Variants in STK32C observed in about 807,000 individuals in gnomAD.
STK32C encodes serine/threonine kinase 32C.
Under a neutral mutation model 56.5 loss-of-function variants are expected in STK32C, and 31 were observed. The ratio of observed to expected loss-of-function variants is 0.55; its 90% confidence interval spans 0.41 to 0.74. The LOEUF is 0.74. STK32C is among the 30% of genes least tolerant of loss of function. STK32C has a pLI of 0.00. For synonymous variants in STK32C, 309 were observed against 289.4 expected (o/e 1.07, Z -0.69); for missense variants, 544 against 676.9 (o/e 0.80, Z 2.18).
chr10:132,284,424 G>A (rs190180601), intron 1 of STK32C, among the ~76,000 whole-genome samples: 1 of 109,604 alleles, frequency 9.1e-6, no homozygotes, highest in Admixed American at 8.8e-5. Flanking sequence ...AGGTTGGGGG[G>A]GCAGGTGAGG....
intron 2 of STK32C, among the ~76,000 whole-genome samples, chr10:132,232,231 G>A (rs992838009): frequency 2.2e-4 from 33 of 152,322 alleles, no homozygotes; most frequent in African/African-American, 6.3e-4. Context: ...ACTAGGACCC[G>A]CCCTCTGAGG....
At position 132,307,541 on chromosome 10, in the gene STK32C, G is replaced by GC. The variant is rs778626350; in HGVS notation, c.262+30dup. 2 of 1,529,888 alleles carry GC rather than the reference G, an allele frequency of 1.3e-6. No individual in the cohort carries two copies. The highest frequency in any genetic ancestry group is 8.8e-7 in the Non-Finnish European group (1 of 1,139,930). 94.8% of individuals were successfully genotyped at this position (1,529,888 alleles called of 1,614,324 possible). On this transcript the variant is annotated intron_variant, in intron 1 of 11. Coordinates refer to ENST00000298630, the MANE Select transcript of STK32C (RefSeq NM_173575.4). The surrounding 1 kb of genome is among the most constrained non-coding windows in gnomAD (Gnocchi z 4.4). ...GCGCCCGCCCCTGCAATAGCGCGCG[G>GC]CCCCCACGTCGTCCCCGTGCCCGCA... is the stretch of plus-strand genomic sequence containing the variant.
In STK32C at chr10:132,264,955, G is replaced by A. The variant is rs181198239; in HGVS notation, c.263-19000C>T. On this transcript the variant is annotated intron_variant, in intron 1 of 11. Coordinates refer to ENST00000298630, the MANE Select transcript of STK32C (RefSeq NM_173575.4). ...AGTTCAAGCCTCATCCATCATACCC[G>A]TATTTTATTTATACTCCGCCTGATG... Among the ~76,000 whole-genome samples the A allele has an allele frequency of 1.9e-4, 29 of 152,376 alleles. No individual in the cohort carries two copies. In the East Asian group the frequency reaches 4.6e-3, roughly 24 times the overall value.
chr10:132,238,961 C>T (rs960970353), intron 2 of STK32C, among the ~76,000 whole-genome samples: 2 of 152,318 alleles, frequency 1.3e-5, no homozygotes. Context: ...GACTGTCCAG[C>T]CCTGTCGGGT....
At chr10:132,244,078 T>G (rs1486535395) in intron 2 of STK32C, among the ~76,000 whole-genome samples, 5 of 151,924 alleles carry the variant, frequency 3.3e-5, no homozygotes, top group African/African-American at 1.2e-4. Context: ...TGCCATGGGG[T>G]CATTGCCTTG....
intron 10 of STK32C, chr10:132,209,356 C>G: frequency 1.4e-6 from 1 of 701,376 alleles, no homozygotes; most frequent in East Asian, 2.7e-5. Context: ...TGGACTTGCT[C>G]CGTGGGGCCT....
chr10:132,283,950 G>T lies in STK32C; in HGVS notation c.262+23622C>A, dbSNP rs1303846369. ...AGACGGGTGCAGCCCCCACCTGATGGTCAGAGGCAAGTACACAGATGGCAC... is the reference window on the plus strand; with the variant it reads ...AGACGGGTGCAGCCCCCACCTGATGTTCAGAGGCAAGTACACAGATGGCAC... On this transcript the variant is annotated intron_variant, in intron 1 of 11. Transcript: ENST00000298630. Among the ~76,000 whole-genome samples, 6 of 152,234 alleles carry T rather than the reference G, an allele frequency of 3.9e-5. No homozygotes were observed. The South Asian group carries it at 1.2e-3, about 32-fold the overall frequency.
intron 1 of STK32C, among the ~76,000 whole-genome samples, chr10:132,303,080 G>A (rs528874249): frequency 5.9e-5 from 9 of 152,354 alleles, no homozygotes; most frequent in East Asian, 5.8e-4. Context: ...AGCAGCCAGC[G>A]TGGAAACGGT....
chr10:132,273,728 G>GAGTGAATGAATGCAC (rs1429180414), intron 1 of STK32C, among the ~76,000 whole-genome samples: 26 of 152,322 alleles, frequency 1.7e-4, no homozygotes, highest in Admixed American at 1.3e-3. Flanking sequence ...AACACACGGT[G>GAGTGAATGAATGCAC]AGTGAATGAA....
chr10:132,318,939 C>A (rs941449093), intron 1 of STK32C, among the ~76,000 whole-genome samples: 8 of 151,660 alleles, frequency 5.3e-5, no homozygotes, highest in Non-Finnish European at 1.5e-5. Flanking sequence ...TAAAGTGATG[C>A]AGCTACTTTG....
At chr10:132,310,296 C>T (rs543976711), upstream of STK32C, among the ~76,000 whole-genome samples, 9 of 152,282 alleles carry the variant, frequency 5.9e-5, no homozygotes, top group East Asian at 7.7e-4. This position sits in a 1 kb window ranked among gnomAD's most constrained non-coding sequence, Gnocchi z 4.6. Flanking sequence ...AAAAGAATGC[C>T]GGGTCCTAAG....
In STK32C at chr10:132,324,247, CTTG is replaced by C; in HGVS notation, c.425_427del (p.Ser142_Arg143delinsTer). On this transcript the variant is annotated stop_gained and inframe_deletion, in exon 2 of 2. Coordinates refer to the STK32C transcript ENST00000368619. LOFTEE classifies it high-confidence loss of function. ...ATTAACAATTCATTACACACCCCCT[CTTG>C]ATGGGCCACAGAACACACCCCCAGC... The C allele has an allele frequency of 1.3e-6, 1 of 779,818 alleles. No individual in the cohort carries two copies. Among genetic ancestry groups the C allele is most frequent in the Non-Finnish European group, 2.4e-6 (1 of 417,998 alleles). The allele number at this position is 779,818 out of a possible 1,614,324, so 48.3% of individuals were successfully genotyped here.
At chr10:132,328,296 T>C (rs375731613) in intron 1 of STK32C, among the ~76,000 whole-genome samples, 30 of 152,064 alleles carry the variant, frequency 2.0e-4, no homozygotes, top group African/African-American at 7.2e-4. Context: ...TTCCTTGCTG[T>C]TTTCTGCTCC....
At chr10:132,248,427 C>T (rs186067686) in intron 1 of STK32C, among the ~76,000 whole-genome samples, 2 of 152,330 alleles carry the variant, frequency 1.3e-5, no homozygotes, top group East Asian at 3.9e-4. Flanking sequence ...CTGAGCTGGC[C>T]GCCTACAGCT....
Position 132,307,922 on chromosome 10 carries a change from G to C in STK32C, c.-89C>G. ...CGGCAGTGGTAGCGGGAGCGCTCGGGGCCGGCAGCGCCCGCCGTGCGCTCT... is the reference window on the plus strand; with the variant it reads ...CGGCAGTGGTAGCGGGAGCGCTCGGCGCCGGCAGCGCCCGCCGTGCGCTCT... On this transcript the variant is annotated 5_prime_UTR_variant, in exon 1 of 12. Transcript: ENST00000298630. This position sits in a 1 kb window ranked among gnomAD's most constrained non-coding sequence, Gnocchi z 4.4. 9.2e-7 allele frequency: 1 copy of C among 1,081,680 alleles called. No individual in the cohort carries two copies. Among genetic ancestry groups the C allele is most frequent in the Non-Finnish European group, 1.1e-6 (1 of 891,470 alleles). The allele number at this position is 1,081,680 out of a possible 1,614,324, so 67.0% of individuals were successfully genotyped here.
At chr10:132,240,040 G>A (rs1379225146) in intron 2 of STK32C, among the ~76,000 whole-genome samples, 1 of 152,212 alleles carries the variant, frequency 6.6e-6, no homozygotes, top group Non-Finnish European at 1.5e-5. Context: ...TTCCGGTGGA[G>A]CTGCCATCCT....
intron 1 of STK32C, among the ~76,000 whole-genome samples, chr10:132,261,498 C>T (rs957720735): frequency 8.5e-5 from 13 of 152,178 alleles, no homozygotes; most frequent in Admixed American, 3.3e-4. Context: ...GGCACGGTGG[C>T]TCACACCTAT....
Position 132,228,121 on chromosome 10 carries a change from A to G in STK32C, c.326T>C (p.Ile109Thr). 6.2e-7 allele frequency: 1 copy of G among 1,613,908 alleles called. No homozygotes were observed. The highest frequency in any genetic ancestry group is 8.5e-7 in the Non-Finnish European group (1 of 1,180,014). The change falls in exon 3 of 12, where the codon ATT becomes ACT. Residue 109 changes from isoleucine to threonine, a missense_variant. Transcript: ENST00000298630. ...CTTCTCCGTGTCCCGCTTCTGCACA[A>G]TGCACACCTGGAGGGCACAGGGCTG... The part of the protein sequence containing the change: ...IGKGSFGKVC[I>T]VQKRDTEKMY...
intron 1 of STK32C, among the ~76,000 whole-genome samples, chr10:132,289,135 T>C (rs1419926879): frequency 2.0e-5 from 3 of 152,100 alleles, no homozygotes; most frequent in Admixed American, 1.3e-4. Flanking sequence ...AACATACTGG[T>C]TTTTGACAAA....
Sources: allele counts gnomAD v4.1 joint callset (sites outside exome capture counted in the v4.1 genomes callset), GRCh38; gene constraint gnomAD v4.1.1; non-coding constraint Gnocchi (gnomAD v3.1); transcripts MANE v1.5; gene names NCBI Gene and HGNC (gene_info 2026-07-23, HGNC 2026-07-21).